The following EYA3 variants were observed in gnomAD, a reference collection of about 807,000 sequenced individuals.
The protein encoded by EYA3 is EYA transcriptional coactivator and phosphatase 3, also known as protein phosphatase EYA3.
In EYA3, 39 loss-of-function variants were observed where a neutral mutation model predicts 80.0. The ratio of observed to expected loss-of-function variants is 0.49; its 90% confidence interval spans 0.38 to 0.64. The LOEUF (loss-of-function observed/expected upper bound fraction) is 0.64. Among genes scored for constraint, EYA3 ranks in the 30% least tolerant of loss-of-function variants. The pLI, the probability that EYA3 is intolerant of heterozygous loss-of-function variation, is 0.00. For missense variants in EYA3, 523 were observed against 676.1 expected, an observed-to-expected ratio of 0.77 and a Z score of 2.51; for synonymous variants, 206 against 232.8, an observed-to-expected ratio of 0.88 and a Z score of 1.05.
rs1350616767 is a variant in EYA3 at position 27,978,374 on chromosome 1, C to A, written c.1641G>T (p.Gln547His). The A allele has an allele frequency of 6.2e-7, 1 of 1,612,014 alleles. No individual in the cohort carries two copies. The highest frequency in any genetic ancestry group is 2.2e-5 in the East Asian group (1 of 44,856). ...GACTATTTTTCTTTACCATGGTTAC[C>A]TGTTTGGCTGCAATTTCTTCATCTC... ...DGRDEEIAAKQHNMPFWRITN... is the reference protein window; with the variant it reads ...DGRDEEIAAKHHNMPFWRITN... Residue 547 changes from glutamine to histidine, a missense_variant and splice_region_variant, in exon 17 of 18, where the codon CAG becomes CAT. Around this residue, in one of 2 missense-constraint regions of EYA3, gnomAD observed 219 missense variants for 332.8 expected, o/e 0.66. Coordinates refer to ENST00000373871, the MANE Select transcript of EYA3 (RefSeq NM_001990.4).
intron 1 of EYA3, among the ~76,000 whole-genome samples, chr1:28,081,448 TAA>T (rs1645425683): frequency 6.6e-6 from 1 of 152,172 alleles, no homozygotes; most frequent in South Asian, 2.1e-4. Flanking sequence ...TTTTTAAATT[TAA>T]AAGAGAAAAA....
chr1:28,012,171 A>T (rs1641738955), intron 9 of EYA3, among the ~76,000 whole-genome samples: 2 of 152,208 alleles, frequency 1.3e-5, no homozygotes, highest in Admixed American at 1.3e-4. Context: ...ATTGTCTATA[A>T]GTTGATAACT....
intron 1 of EYA3, among the ~76,000 whole-genome samples, chr1:28,069,149 T>C (rs1455030769): frequency 6.6e-6 from 1 of 150,980 alleles, no homozygotes; most frequent in Non-Finnish European, 1.5e-5. Flanking sequence ...TTTATTTATT[T>C]ATTTTTGAAA....
chr1:27,990,281 C>A, intron 14 of EYA3: 2 of 178,890 alleles, frequency 1.1e-5, no homozygotes, highest in East Asian at 1.5e-4. Flanking sequence ...CACCATCTTC[C>A]TGTCCCTAGA....
intron 1 of EYA3, among the ~76,000 whole-genome samples, chr1:28,068,992 A>C (rs1341856145): frequency 2.6e-5 from 4 of 151,872 alleles, no homozygotes; most frequent in Non-Finnish European, 5.9e-5. Context: ...TTTTTAGTAG[A>C]AACAGGGTTT....
intron 4 of EYA3, among the ~76,000 whole-genome samples, chr1:28,041,940 A>G (rs1643806311): frequency 6.6e-6 from 1 of 152,236 alleles, no homozygotes; most frequent in South Asian, 2.1e-4. Context: ...GATGAGTGGG[A>G]AATTCAAGAA....
At chr1:27,977,683 A>G (rs983977666) in intron 17 of EYA3, among the ~76,000 whole-genome samples, 1 of 151,994 alleles carries the variant, frequency 6.6e-6, no homozygotes, top group African/African-American at 2.4e-5. Flanking sequence ...CCCCGTCTCT[A>G]CTAAAAATAC....
intron 2 of EYA3, 21 bp downstream of exon 2, chr1:28,057,973 A>G: frequency 6.7e-7 from 1 of 1,499,506 alleles, no homozygotes; most frequent in East Asian, 2.3e-5. Flanking sequence ...TCAACTTTAA[A>G]CTGTTAAAGG....
intron 1 of EYA3, among the ~76,000 whole-genome samples, chr1:28,064,359 C>CCTCTCT (rs753576988): frequency 6.5e-5 from 9 of 137,462 alleles, no homozygotes; most frequent in South Asian, 2.3e-4. Context: ...AGCAAGCCAT[C>CCTCTCT]CTCTCTCTCT....
At chr1:27,981,643 G>A (rs113194468) in intron 16 of EYA3, among the ~76,000 whole-genome samples, 65 of 152,012 alleles carry the variant, frequency 4.3e-4, no homozygotes, top group African/African-American at 1.5e-3. Flanking sequence ...TAGGCATGGC[G>A]GTGTGCATCT....
chr1:28,057,803 C>T (rs1256769697), intron 2 of EYA3, among the ~76,000 whole-genome samples, 191 bp downstream of exon 2: 2 of 151,942 alleles, frequency 1.3e-5, no homozygotes, highest in Non-Finnish European at 2.9e-5. Context: ...ATATTCATTT[C>T]GTAATGCTAA....
At chr1:27,989,939 T>C in intron 14 of EYA3, 128 bp from the exon 15 acceptor site, 1 of 461,498 alleles carries the variant, frequency 2.2e-6, no homozygotes, top group Non-Finnish European at 3.9e-6. Flanking sequence ...TGTTTATATA[T>C]ATATATATAC....
chr1:28,038,045 G>C (rs943142398), intron 5 of EYA3, among the ~76,000 whole-genome samples: 1 of 151,616 alleles, frequency 6.6e-6, no homozygotes, highest in South Asian at 2.1e-4. Context: ...TATTAATGCT[G>C]ATCTTACCCC....
At chr1:27,990,082 T>C (rs1010044263) in intron 14 of EYA3, 4 of 182,188 alleles carry the variant, frequency 2.2e-5, no homozygotes, top group African/African-American at 7.1e-5. Context: ...GGGTCAGCAG[T>C]GGAGTACATG....
intron 14 of EYA3, 121 bp from the exon 15 acceptor site, chr1:27,989,932 T>TG: frequency 2.1e-6 from 1 of 473,366 alleles, no homozygotes; most frequent in Non-Finnish European, 3.8e-6. Flanking sequence ...CTGAGTATGT[T>TG]TATATATATA....
intron 2 of EYA3, among the ~76,000 whole-genome samples, chr1:28,052,717 G>A (rs879651418): frequency 6.6e-6 from 1 of 152,186 alleles, no homozygotes; most frequent in Non-Finnish European, 1.5e-5. Flanking sequence ...GCTGAGGCAG[G>A]TGGATCACGA....
At chr1:28,048,515 C>T (rs1486138586) in intron 2 of EYA3, 89 bp from the exon 3 acceptor site, 1 of 925,758 alleles carries the variant, frequency 1.1e-6, no homozygotes, top group Non-Finnish European at 1.7e-6. Flanking sequence ...TTAACTATTA[C>T]AGGATAACTG....
rs1229570238 is a variant in EYA3, at chr1:27,974,231, G to C, written c.*235C>G. On this transcript the variant is annotated 3_prime_UTR_variant, in exon 18 of 18. Transcript: ENST00000373871. ...AATTGCAGCTGTTGGTTCTGATTGTGTTCTCGCCAGCATTCCATGGATAAA... is the reference window on the plus strand; with the variant it reads ...AATTGCAGCTGTTGGTTCTGATTGTCTTCTCGCCAGCATTCCATGGATAAA... The C allele has an allele frequency of 3.0e-6, 1 of 327,882 alleles. No individual in the cohort carries two copies. Among genetic ancestry groups the C allele is most frequent in the Non-Finnish European group, 5.8e-6 (1 of 172,548 alleles). The allele number at this position is 327,882 out of a possible 1,614,324, so 20.3% of individuals were successfully genotyped here.
intron 8 of EYA3, among the ~76,000 whole-genome samples, chr1:28,014,417 C>CAAGAAA: frequency 2.0e-5 from 1 of 49,540 alleles, no homozygotes; most frequent in Non-Finnish European, 4.0e-5. Context: ...CACACTGTCT[C>CAAGAAA]AAAAAAAAAA....
Sources: allele counts gnomAD v4.1 joint callset (sites outside exome capture counted in the v4.1 genomes callset), GRCh38; gene constraint gnomAD v4.1.1; regional missense constraint gnomAD v4.1.1; transcripts MANE v1.5; gene names NCBI Gene and HGNC (gene_info 2026-07-23, HGNC 2026-07-21).